HERC4: variants seen among roughly 807,000 people sequenced by gnomAD.
The protein encoded by HERC4 is HECT and RLD domain containing E3 ubiquitin protein ligase 4.
Under a neutral mutation model 124.3 loss-of-function variants are expected in HERC4, and 28 were observed. The ratio of observed to expected loss-of-function variants is 0.23; its 90% CI spans 0.17 to 0.31. The LOEUF is 0.31. HERC4 is among the 10% of genes least tolerant of loss of function. The probability of loss-of-function intolerance (pLI) is 1.00; values close to 1 mark genes in which losing one functional copy is unlikely to be tolerated. For synonymous variants in HERC4, 407 were observed against 421.5 expected, an observed-to-expected ratio of 0.97 and a Z score of 0.42; for missense variants, 713 against 1,229.3, an observed-to-expected ratio of 0.58 and a Z score of 6.28.
intron 15 of HERC4, among the ~76,000 whole-genome samples, chr10:67,987,807 T>C (rs1440638753): frequency 6.6e-6 from 1 of 152,112 alleles, no homozygotes; most frequent in Non-Finnish European, 1.5e-5. Flanking sequence ...TAAAGGTTTG[T>C]TCTTAGACAA....
At chr10:68,072,656 C>T (rs868227176) in intron 3 of HERC4, among the ~76,000 whole-genome samples, 1 of 151,482 alleles carries the variant, frequency 6.6e-6, no homozygotes, top group Non-Finnish European at 1.5e-5. Context: ...TGTTTTATAT[C>T]GTCATACAAA....
At chr10:68,031,331 A>AT in intron 7 of HERC4, among the ~76,000 whole-genome samples, 1 of 152,328 alleles carries the variant, frequency 6.6e-6, no homozygotes, top group African/African-American at 2.4e-5. Context: ...ACCACACATG[A>AT]TATTTTTTAT....
intron 15 of HERC4, among the ~76,000 whole-genome samples, chr10:67,973,213 G>T (rs1589222189): frequency 6.6e-6 from 1 of 150,496 alleles, no homozygotes; most frequent in Non-Finnish European, 1.5e-5. Context: ...AAAAAAAAAA[G>T]GTTTGAAGGA....
At chr10:67,972,529 GAAAAAAAAAAAA>G (rs58031306) in intron 15 of HERC4, among the ~76,000 whole-genome samples, 1 of 58,396 alleles carries the variant, frequency 1.7e-5, no homozygotes, top group African/African-American at 6.7e-5. Flanking sequence ...CAAAAAAGAG[GAAAAAAAAAAAA>G]AAAAAAAAAA....
At chr10:67,982,716 G>T (rs2036004920) in intron 15 of HERC4, among the ~76,000 whole-genome samples, 1 of 152,084 alleles carries the variant, frequency 6.6e-6, no homozygotes. Context: ...TCTGACAAGG[G>T]ATTAATAACC....
At chr10:67,951,167 T>C (rs191705501) in intron 19 of HERC4, among the ~76,000 whole-genome samples, 10 of 152,290 alleles carry the variant, frequency 6.6e-5, no homozygotes, top group African/African-American at 1.9e-4. Context: ...ACATTATCTC[T>C]TTAAAACTGA....
intron 3 of HERC4, among the ~76,000 whole-genome samples, chr10:68,045,894 A>G (rs766226021): frequency 1.3e-4 from 20 of 152,192 alleles, no homozygotes; most frequent in Non-Finnish European, 2.5e-4. Context: ...CTATCTATAC[A>G]GAAATTCAAA....
intron 16 of HERC4, among the ~76,000 whole-genome samples, chr10:67,959,400 A>G (rs573046658): frequency 2.6e-5 from 4 of 152,264 alleles, no homozygotes; most frequent in Admixed American, 2.6e-4. Context: ...TTCAGCAATT[A>G]AACACCCCCA....
At chr10:68,020,610 A>C (rs567351021) in intron 8 of HERC4, among the ~76,000 whole-genome samples, 3 of 151,934 alleles carry the variant, frequency 2.0e-5, no homozygotes, top group Non-Finnish European at 4.4e-5. Context: ...TCTACTAAAA[A>C]TACAAAAAAT....
chr10:68,017,506 A>G (rs1450486456), intron 8 of HERC4, among the ~76,000 whole-genome samples: 2 of 152,294 alleles, frequency 1.3e-5, no homozygotes, highest in Non-Finnish European at 2.9e-5. Flanking sequence ...TTTTTGAGAC[A>G]GAGTTTTCGC....
At chr10:68,032,992 G>C in intron 6 of HERC4, 123 bp from the exon 7 acceptor site, 1 of 622,584 alleles carries the variant, frequency 1.6e-6, no homozygotes, top group African/African-American at 1.8e-5. Flanking sequence ...ACTATGATTC[G>C]ATGATTTTGT....
At chr10:67,951,494 A>C (rs565938548) in intron 19 of HERC4, among the ~76,000 whole-genome samples, 1 of 152,206 alleles carries the variant, frequency 6.6e-6, no homozygotes, top group South Asian at 2.1e-4. Context: ...TGCTCCACCA[A>C]ACCCTTTCAC....
intron 3 of HERC4, among the ~76,000 whole-genome samples, chr10:68,055,407 T>C (rs1323413543): frequency 3.9e-5 from 6 of 152,196 alleles, no homozygotes; most frequent in Non-Finnish European, 7.3e-5. Flanking sequence ...AACAATAAAA[T>C]GTTTATATGA....
intron 13 of HERC4, 85 bp downstream of exon 13, chr10:67,990,819 A>C: frequency 1.3e-6 from 1 of 749,900 alleles, no homozygotes; most frequent in Non-Finnish European, 2.1e-6. Context: ...GTGAAACTGC[A>C]AAGTAAATTA....
chr10:68,052,772 GCTCT>G (rs940720975), intron 3 of HERC4, among the ~76,000 whole-genome samples: 7 of 152,084 alleles, frequency 4.6e-5, no homozygotes, highest in South Asian at 2.1e-4. Flanking sequence ...ATAAAGTGCT[GCTCT>G]CTCTGATAAC....
At chr10:67,959,117 G>T in intron 16 of HERC4, 1 of 1,596,824 alleles carries the variant, frequency 6.3e-7, no homozygotes, top group Non-Finnish European at 8.5e-7. Context: ...ACTTACCTCA[G>T]TTAATCCATG....
chr10:67,967,044 C>T (rs533065976), intron 15 of HERC4, among the ~76,000 whole-genome samples: 182 of 152,214 alleles, frequency 1.2e-3, no homozygotes, highest in African/African-American at 4.0e-3. Context: ...TTAGTAGAGA[C>T]GGAGTTTCAT....
At chr10:67,994,201 A>C (rs1007311464) in intron 9 of HERC4, 1 of 152,202 alleles carries the variant, frequency 6.6e-6, no homozygotes, top group African/African-American at 2.4e-5. Flanking sequence ...AAATAAGCCA[A>C]TTATTCAACC....
chr10:68,020,504 C>T (rs1377412452), intron 8 of HERC4, among the ~76,000 whole-genome samples: 1 of 151,964 alleles, frequency 6.6e-6, no homozygotes, highest in Non-Finnish European at 1.5e-5. Flanking sequence ...CGGTGGCTCA[C>T]GCCTGTAATC....
Sources: allele counts gnomAD v4.1 joint callset (sites outside exome capture counted in the v4.1 genomes callset), GRCh38; gene constraint gnomAD v4.1.1; transcripts MANE v1.5; gene names NCBI Gene and HGNC (gene_info 2026-07-23, HGNC 2026-07-21).